STAP1: variants seen among roughly 807,000 people sequenced by gnomAD.
STAP1 encodes the protein signal-transducing adaptor protein 1.
A neutral mutation model predicts 37.8 loss-of-function variants in STAP1; 30 were observed. The observed-to-expected ratio is 0.79, with a 90% CI of 0.59 to 1.08. The LOEUF (loss-of-function observed/expected upper bound fraction) is 1.08. STAP1 is among the 50% of genes least tolerant of loss of function. The pLI is 0.00. For synonymous variants in STAP1, 130 were observed against 116.0 expected (o/e 1.12, Z -0.78); for missense variants, 357 against 349.4 (o/e 1.02, Z -0.17).
intron 1 of STAP1, 21 bp from the exon 2 acceptor site, chr4:67,571,063 T>C (rs890951342): frequency 1.3e-6 from 2 of 1,587,946 alleles, no homozygotes; most frequent in Non-Finnish European, 1.7e-6. Context: ...TGAAATAATG[T>C]TTATGGTTTC....
chr4:67,590,284 A>T (rs1322333310), intron 6 of STAP1, among the ~76,000 whole-genome samples: 2 of 152,176 alleles, frequency 1.3e-5, no homozygotes, highest in African/African-American at 4.8e-5. Flanking sequence ...AGACAATACG[A>T]TTCATGTAAT....
chr4:67,603,889 G>A lies in STAP1; in HGVS notation c.827-2407G>A, dbSNP rs186252394. On this transcript the variant is annotated intron_variant, in intron 8 of 8. Coordinates refer to ENST00000265404, the MANE Select transcript of STAP1 (RefSeq NM_012108.4). ...GTCACCCCAGCTGGTGTCTCACTAGGTCATGTGCACTACATGTCCACTGGC... is the reference window on the plus strand; with the variant it reads ...GTCACCCCAGCTGGTGTCTCACTAGATCATGTGCACTACATGTCCACTGGC... Among the ~76,000 whole-genome samples, 383 of 152,190 alleles carry A rather than the reference G, an allele frequency of 2.5e-3. 1 individual carries two copies. The highest frequency in any genetic ancestry group is 4.7e-3 in the Non-Finnish European group (318 of 68,010).
At chr4:67,568,727 ATAATATATAC>A (rs1388865514) in intron 1 of STAP1, among the ~76,000 whole-genome samples, 1 of 152,182 alleles carries the variant, frequency 6.6e-6, no homozygotes, top group Non-Finnish European at 1.5e-5. Flanking sequence ...TGATCTGTCA[ATAATATATAC>A]TATTTACTGA....
intron 1 of STAP1, among the ~76,000 whole-genome samples, chr4:67,560,643 G>GGGGGTGTGTGT (rs370510074): frequency 6.7e-6 from 1 of 149,490 alleles, no homozygotes; most frequent in African/African-American, 2.5e-5. Flanking sequence ...TGTGTGTGTG[G>GGGGGTGTGTGT]GTGTGTGTCT....
At chr4:67,569,495 A>G (rs1209347421) in intron 1 of STAP1, among the ~76,000 whole-genome samples, 3 of 151,926 alleles carry the variant, frequency 2.0e-5, no homozygotes, top group Non-Finnish European at 4.4e-5. Context: ...TTAATTTTTG[A>G]CTCTTTTGTA....
intron 6 of STAP1, among the ~76,000 whole-genome samples, chr4:67,588,959 A>G (rs1728061131): frequency 6.6e-6 from 1 of 152,190 alleles, no homozygotes. Flanking sequence ...ACACTGTACT[A>G]AGGGCTTTGC....
chr4:67,561,401 T>C (rs1727334428), intron 1 of STAP1, among the ~76,000 whole-genome samples: 1 of 152,168 alleles, frequency 6.6e-6, no homozygotes. Flanking sequence ...ACATTTAAAC[T>C]AGAAAAAATA....
At chr4:67,573,418 G>T (rs1015507646) in intron 2 of STAP1, among the ~76,000 whole-genome samples, 2 of 152,104 alleles carry the variant, frequency 1.3e-5, no homozygotes, top group African/African-American at 4.8e-5. Flanking sequence ...AAAACAAAAA[G>T]ATATGACTTC....
At chr4:67,599,764 C>G (rs188486562) in intron 8 of STAP1, among the ~76,000 whole-genome samples, 70 of 152,140 alleles carry the variant, frequency 4.6e-4, no homozygotes, top group African/African-American at 1.6e-3. Flanking sequence ...GCCTCAGCCT[C>G]CCAAGTACCT....
At chr4:67,599,918 A>G (rs550042866) in intron 8 of STAP1, among the ~76,000 whole-genome samples, 1 of 152,308 alleles carries the variant, frequency 6.6e-6, no homozygotes, top group South Asian at 2.1e-4. Flanking sequence ...TTGGGATTAC[A>G]GGTGTGAGCC....
intron 5 of STAP1, among the ~76,000 whole-genome samples, chr4:67,582,587 T>C (rs918875396): frequency 1.3e-5 from 2 of 151,880 alleles, no homozygotes; most frequent in African/African-American, 4.8e-5. Context: ...GGATTACAGG[T>C]GTGAGCCACC....
intron 8 of STAP1, among the ~76,000 whole-genome samples, chr4:67,604,590 A>G (rs1728411123): frequency 6.6e-6 from 1 of 152,220 alleles, no homozygotes; most frequent in Non-Finnish European, 1.5e-5. Context: ...TAATTTCAAC[A>G]TCTTGGTTAT....
At chr4:67,591,138 C>T (rs1014754787) in intron 7 of STAP1, among the ~76,000 whole-genome samples, 185 bp downstream of exon 7, 2 of 152,134 alleles carry the variant, frequency 1.3e-5, no homozygotes, top group African/African-American at 4.8e-5. Flanking sequence ...ATTCTTTCCA[C>T]TTTTCTTTTT....
intron 1 of STAP1, among the ~76,000 whole-genome samples, chr4:67,562,112 G>A (rs1727359967): frequency 2.2e-5 from 3 of 133,428 alleles, no homozygotes; most frequent in African/African-American, 5.7e-5. Flanking sequence ...GAGAAAGAAA[G>A]AAAAGAAAAA....
At position 67,582,815 on chromosome 4, in the gene STAP1, A is replaced by G. The variant is rs183735913; in HGVS notation, c.531-759A>G. Among the ~76,000 whole-genome samples, 385 of 152,288 alleles carry G rather than the reference A, an allele frequency of 2.5e-3. 2 individuals are homozygous for G. The highest frequency in any genetic ancestry group is 8.8e-3 in the African/African-American group (364 of 41,568). On this transcript the variant is annotated intron_variant, in intron 5 of 8. Coordinates refer to ENST00000265404, the MANE Select transcript of STAP1 (RefSeq NM_012108.4). ...ATTCTGTTTTTCACTTTCAGTATTC[A>G]ATGCATTGCATGAGACATTCAACAT...
intron 6 of STAP1, 118 bp downstream of exon 6, chr4:67,583,820 C>A: frequency 7.9e-7 from 1 of 1,259,980 alleles, no homozygotes; most frequent in Non-Finnish European, 1.1e-6. Context: ...CACAAGTGGC[C>A]GGGTGCGGTG....
At chr4:67,565,476 A>C (rs1204201656) in intron 1 of STAP1, among the ~76,000 whole-genome samples, 2 of 152,254 alleles carry the variant, frequency 1.3e-5, no homozygotes, top group African/African-American at 2.4e-5. Flanking sequence ...ACACCCACAC[A>C]TACAAATCAC....
At chr4:67,586,745 T>G (rs2129608) in intron 6 of STAP1, among the ~76,000 whole-genome samples, 69,468 of 152,000 alleles carry the variant, frequency 0.46, 17,225 homozygotes, top group Non-Finnish European at 0.58. Context: ...CTAAATTTAA[T>G]AAGTTCACTT....
Position 67,606,677 on chromosome 4 carries a change from C to T in STAP1, c.*320C>T, listed in dbSNP as rs1202385873. The T allele has an allele frequency of 7.4e-5, 14 of 189,234 alleles. No homozygotes were observed. The highest frequency in any genetic ancestry group is 6.1e-5 in the Admixed American group (1 of 16,456). The allele number at this position is 189,234 out of a possible 1,614,324, so 11.7% of individuals were successfully genotyped here. A position where few individuals can be genotyped will look rare whatever the true frequency, so the allele number is the denominator to read the frequency against. On this transcript the variant is annotated 3_prime_UTR_variant, in exon 9 of 9. Transcript: ENST00000265404. ...TTAGGCCTCAATGAAATACATTTCC[C>T]CTATATAATTCCAACAGCAGTTTCT...
Sources: gnomAD v4.1 joint callset for allele counts (sites outside exome capture counted in the v4.1 genomes callset) on GRCh38, gnomAD v4.1.1 for gene constraint, MANE v1.5 for transcripts, NCBI Gene and HGNC (gene_info 2026-07-23, HGNC 2026-07-21) for gene names.